The following VWA8 variants were observed in gnomAD, a reference collection of about 807,000 sequenced individuals.
The protein encoded by VWA8 is von Willebrand factor A domain-containing protein 8.
Under a neutral mutation model 241.5 loss-of-function variants are expected in VWA8, and 221 were observed. The ratio of observed to expected loss-of-function variants is 0.91; its 90% CI spans 0.82 to 1.02. The LOEUF (loss-of-function observed/expected upper bound fraction) is 1.02. Ranked by LOEUF, VWA8 falls within the 50% of genes least tolerant of loss-of-function variation. The pLI is 0.00. For synonymous variants in VWA8, 852 were observed against 827.1 expected, an observed-to-expected ratio of 1.03 and a Z score of -0.52; for missense variants, 2,322 against 2,328.7, an observed-to-expected ratio of 1.00 and a Z score of 0.06.
intron 9 of VWA8, among the ~76,000 whole-genome samples, chr13:41,880,016 T>C (rs1384013361): frequency 6.6e-6 from 1 of 152,218 alleles, no homozygotes; most frequent in Non-Finnish European, 1.5e-5. Context: ...ACTTTAAACA[T>C]ATAGTTATAA....
At position 41,877,779 on chromosome 13, in the gene VWA8, A is replaced by C. The variant is rs191169650; in HGVS notation, c.1080+5608T>G. Reference sequence around the variant, plus strand: ...GAAGCCTGGATGTATTTGTTACTAAACTGTAAGAAAGCATACTATTCTCAA... The same window carrying C: ...GAAGCCTGGATGTATTTGTTACTAACCTGTAAGAAAGCATACTATTCTCAA... On this transcript the variant is annotated intron_variant, in intron 9 of 44. Coordinates refer to ENST00000379310, the MANE Select transcript of VWA8 (RefSeq NM_015058.2). Among the ~76,000 whole-genome samples the C allele has an allele frequency of 2.6e-5, 4 of 152,226 alleles. No homozygotes were observed. In the East Asian group the frequency reaches 5.8e-4, roughly 22 times the overall value.
intron 2 of VWA8, among the ~76,000 whole-genome samples, chr13:41,913,325 T>C (rs1876099092): frequency 6.6e-6 from 1 of 152,190 alleles, no homozygotes; most frequent in Non-Finnish European, 1.5e-5. Flanking sequence ...TTCTTATGTA[T>C]AGCTTCAAGG....
intron 4 of VWA8, among the ~76,000 whole-genome samples, chr13:41,900,238 A>T (rs185887482): frequency 6.6e-6 from 1 of 152,222 alleles, no homozygotes. Flanking sequence ...TTGTAACATA[A>T]AATAATTGTA....
chr13:41,809,014 T>C (rs1484004759), intron 17 of VWA8, among the ~76,000 whole-genome samples: 2 of 151,722 alleles, frequency 1.3e-5, no homozygotes, highest in African/African-American at 2.4e-5. Flanking sequence ...TTACAACAGC[T>C]ACAAATAAAA....
At chr13:41,926,748 C>T in intron 2 of VWA8, 2 of 539,568 alleles carry the variant, frequency 3.7e-6, no homozygotes. Context: ...TTCACCCCAC[C>T]CTTCCAGAGA....
At position 41,721,541 on chromosome 13, in the gene VWA8, G is replaced by A. The variant is rs147189753; in HGVS notation, c.2793C>T (p.Pro931=). The change falls in exon 25 of 45, where the codon CCC becomes CCT. Residue 931 remains proline, a synonymous_variant. Coordinates refer to ENST00000379310, the MANE Select transcript of VWA8 (RefSeq NM_015058.2). ...GCATCTCGAGCTCCGAGTGGGGTTT[G>A]GGGTTATCAACTGCATGGCAGCTAA... ...DIFSCHAVDN[P]KPHSELEMLR... 1.2e-4 allele frequency: 195 copies of A among 1,613,686 alleles called. 1 individual carries two copies. In the African/African-American group the frequency reaches 2.3e-3, roughly 19 times the overall value.
At chr13:41,773,909 G>A (rs553684118) in intron 20 of VWA8, among the ~76,000 whole-genome samples, 94 of 152,200 alleles carry the variant, frequency 6.2e-4, no homozygotes, top group African/African-American at 2.2e-3. Context: ...TGTCATTATA[G>A]AACTATATCC....
chr13:41,926,699 C>A, intron 2 of VWA8: 1 of 538,172 alleles, frequency 1.9e-6, no homozygotes, highest in South Asian at 1.4e-5. Flanking sequence ...GGTCAGCTAC[C>A]ACCCAGATGG....
chr13:41,917,614 C>T (rs972235981), intron 2 of VWA8, among the ~76,000 whole-genome samples: 1 of 152,180 alleles, frequency 6.6e-6, no homozygotes, highest in African/African-American at 2.4e-5. Flanking sequence ...GTCTCATCCT[C>T]ACCTGCAAAC....
Position 41,729,814 on chromosome 13 carries a change from C to T in VWA8, c.2503-137G>A, listed in dbSNP as rs1237341840. ...ATACACGTAGACACACACACACACA[C>T]ACACACACACACACACACACACACA... On this transcript the variant is annotated intron_variant, in intron 22 of 44. Coordinates refer to ENST00000379310, the MANE Select transcript of VWA8 (RefSeq NM_015058.2). 511 of 542,694 alleles carry T rather than the reference C, an allele frequency of 9.4e-4. 9 individuals carry two copies. Among genetic ancestry groups the T allele is most frequent in the Middle Eastern group, 2.6e-3 (5 of 1,954 alleles). 33.6% of individuals were successfully genotyped at this position (542,694 alleles called of 1,614,324 possible).
At chr13:41,744,576 T>C (rs756108219) in intron 21 of VWA8, among the ~76,000 whole-genome samples, 1 of 147,772 alleles carries the variant, frequency 6.8e-6, no homozygotes. Context: ...AGGAATGGCA[T>C]TTTATAAAAC....
chr13:41,693,893 G>A lies in VWA8; in HGVS notation c.3565-921C>T, dbSNP rs9645981. 9.0e-3 allele frequency among the ~76,000 whole-genome samples: 1,370 copies of A among 151,978 alleles called. 8 individuals are homozygous for A. The highest frequency in any genetic ancestry group is 0.031 in the Middle Eastern group (9 of 294). Reference sequence around the variant, plus strand: ...TATTTGTCAGACCTCATTGTTATGCGGGTGTCTTTTCTTTCTTTGTTTTAT... The same window carrying A: ...TATTTGTCAGACCTCATTGTTATGCAGGTGTCTTTTCTTTCTTTGTTTTAT... On this transcript the variant is annotated intron_variant, in intron 29 of 44. Coordinates refer to ENST00000379310, the MANE Select transcript of VWA8 (RefSeq NM_015058.2).
At chr13:41,668,107 T>C (rs12853666) in intron 37 of VWA8, among the ~76,000 whole-genome samples, 4,010 of 152,324 alleles carry the variant, frequency 0.026, 62 homozygotes, top group South Asian at 0.062. Context: ...AAACATTTAA[T>C]TATTAATATA....
chr13:41,701,667 G>T, intron 27 of VWA8, 137 bp from the exon 28 acceptor site: 1 of 726,900 alleles, frequency 1.4e-6, no homozygotes, highest in Non-Finnish European at 2.0e-6. Context: ...TTTATTGACA[G>T]GCTTAGTACT....
intron 20 of VWA8, among the ~76,000 whole-genome samples, chr13:41,767,401 C>A (rs897240483): frequency 1.3e-5 from 2 of 152,144 alleles, no homozygotes; most frequent in Non-Finnish European, 2.9e-5. Context: ...TAGATTTGCT[C>A]ATTTGAATAG....
At chr13:41,754,507 C>A (rs9594626) in intron 21 of VWA8, among the ~76,000 whole-genome samples, 1 of 151,868 alleles carries the variant, frequency 6.6e-6, no homozygotes, top group Non-Finnish European at 1.5e-5. Context: ...ATGGTGTACA[C>A]GAGATATTTT....
intron 20 of VWA8, among the ~76,000 whole-genome samples, chr13:41,767,755 A>T (rs914601802): frequency 6.6e-6 from 1 of 152,204 alleles, no homozygotes; most frequent in Non-Finnish European, 1.5e-5. Flanking sequence ...TTCACATGAA[A>T]ATAATAATAT....
At chr13:41,846,871 T>A (rs1285033645) in intron 12 of VWA8, among the ~76,000 whole-genome samples, 1 of 152,048 alleles carries the variant, frequency 6.6e-6, no homozygotes, top group Non-Finnish European at 1.5e-5. Flanking sequence ...ACCCCATCTC[T>A]ACTAAAAATT....
rs1194866971 is a variant in VWA8, at chr13:41,868,380, G to T, written c.1178C>A (p.Thr393Asn). Residue 393 changes from threonine (T) to asparagine (N), a missense_variant, in exon 10 of 45, where the codon ACC becomes AAC. By Grantham distance (65) the Thr-to-Asn change is moderately conservative. Transcript: ENST00000379310. Reference sequence around the variant, plus strand: ...CACCTCTTTATCTGCAATCCGGATGGTCACAGAAGCTTGGGACACATGGTT... The same window carrying T: ...CACCTCTTTATCTGCAATCCGGATGTTCACAGAAGCTTGGGACACATGGTT... Reference protein sequence around the residue: ...MENHVSQASVTIRIADKEVTI... With the variant: ...MENHVSQASVNIRIADKEVTI... The T allele has an allele frequency of 6.2e-7, 1 of 1,614,074 alleles. No individual in the cohort carries two copies.
Sources: gnomAD v4.1 joint callset for allele counts (sites outside exome capture counted in the v4.1 genomes callset) on GRCh38, gnomAD v4.1.1 for gene constraint, MANE v1.5 for transcripts, NCBI Gene and HGNC (gene_info 2026-07-23, HGNC 2026-07-21) for gene names.